The following GMNC variants were observed in gnomAD, a reference collection of about 807,000 sequenced individuals.
GMNC encodes geminin coiled-coil domain-containing protein 1.
GMNC carries 16 observed loss-of-function variants against 33.6 expected under a neutral mutation model. That is an observed-to-expected ratio of 0.48 (90% CI 0.32 to 0.72). The LOEUF is 0.72. GMNC is among the 30% of genes least tolerant of loss of function. The pLI, the probability that GMNC is intolerant of heterozygous loss-of-function variation, is 0.03. For synonymous variants in GMNC, 156 were observed against 147.3 expected (o/e 1.06, Z -0.43); for missense variants, 393 against 388.9 (o/e 1.01, Z -0.09).
Position 190,855,629 on chromosome 3 carries a change from G to T in GMNC, c.671C>A (p.Ser224Tyr). The T allele has an allele frequency of 6.4e-7, 1 of 1,551,578 alleles. No homozygotes were observed. ...ATCAACTGCATCATCCGGAAACTGG[G>T]AAAATGTGCTGGCGACTCTTCTGGG... ...SHPRRVASTF[S>Y]QFPDDAVDYK... The change falls in exon 5 of 5, where the codon TCC becomes TAC. Residue 224 changes from serine (S) to tyrosine (Y), a missense_variant. Ser to Tyr is a moderately radical substitution (Grantham distance 144). Coordinates refer to ENST00000442080, the MANE Select transcript of GMNC (RefSeq NM_001146686.3).
chr3:190,860,689 G>A lies in GMNC; in HGVS notation c.173C>T (p.Ala58Val). The A allele has an allele frequency of 6.5e-7, 1 of 1,549,970 alleles. No individual in the cohort carries two copies. The highest frequency in any genetic ancestry group is 8.7e-7 in the Non-Finnish European group (1 of 1,146,448). The change falls in exon 2 of 5, where the codon GCA becomes GTA. Residue 58 changes from alanine to valine, a missense_variant. By Grantham distance (64) the Ala-to-Val change is moderately conservative. Coordinates refer to ENST00000442080, the MANE Select transcript of GMNC (RefSeq NM_001146686.3). ...AGCAGAAGAGCAGAACTTACCCTGTGCCTGTGGTGCTTGTTGGAGCTCTCT... is the reference window on the plus strand; with the variant it reads ...AGCAGAAGAGCAGAACTTACCCTGTACCTGTGGTGCTTGTTGGAGCTCTCT... ...DNRELQQAPQAQESFSDSNFP... is the reference protein window; with the variant it reads ...DNRELQQAPQVQESFSDSNFP...
In GMNC at chr3:190,857,824, G is replaced by C. The variant is rs1308451021; in HGVS notation, c.343C>G (p.Leu115Val). 6 of 1,550,042 alleles carry C rather than the reference G, an allele frequency of 3.9e-6. No individual in the cohort carries two copies. The highest frequency in any genetic ancestry group is 5.2e-6 in the Non-Finnish European group (6 of 1,145,558). Reference protein sequence around the residue: ...HEENNHLRQYLNSALVKCLEE... With the variant: ...HEENNHLRQYVNSALVKCLEE... ...AGACATTTAACCAAAGCAGAATTCA[G>C]GTATTGTCTGAGGTGATTATTCTCT... Residue 115 changes from leucine (L) to valine (V), a missense_variant, in exon 4 of 5, where the codon CTG (leucine) becomes GTG (valine). Coordinates refer to ENST00000442080, the MANE Select transcript of GMNC (RefSeq NM_001146686.3).
chr3:190,855,943 C>T, intron 4 of GMNC, 28 bp from the exon 5 acceptor site: 1 of 1,481,964 alleles, frequency 6.7e-7, no homozygotes, highest in South Asian at 1.3e-5. Flanking sequence ...GAAAGTTATA[C>T]TTTTTTCATA....
downstream of GMNC, among the ~76,000 whole-genome samples, chr3:190,848,767 A>C: frequency 6.6e-6 from 1 of 152,238 alleles, no homozygotes; most frequent in South Asian, 2.1e-4. Flanking sequence ...TAGGACAAAC[A>C]CTATTACCTC....
Position 190,855,387 on chromosome 3 carries a change from C to G in GMNC, c.913G>C (p.Val305Leu). 6.4e-7 allele frequency: 1 copy of G among 1,551,980 alleles called. No individual in the cohort carries two copies. Among genetic ancestry groups the G allele is most frequent in the Non-Finnish European group, 8.7e-7 (1 of 1,146,980 alleles). The change falls in exon 5 of 5, where the codon GTG becomes CTG. Residue 305 changes from valine to leucine, a missense_variant. Val to Leu is a conservative substitution (Grantham distance 32, BLOSUM62 1). Coordinates refer to ENST00000442080, the MANE Select transcript of GMNC (RefSeq NM_001146686.3). The stretch of plus-strand genomic sequence containing the variant: ...CCCTGGTGGAAGGAATGAGTTTTCA[C>G]ATTACAATGAGGGCTCAGGGATGTG... ...FSTSLSPHCN[V>L]KTHSFHQGQA... is the part of the protein sequence containing the mutation.
intron 4 of GMNC, among the ~76,000 whole-genome samples, chr3:190,856,738 C>A (rs1292406978): frequency 6.6e-6 from 1 of 151,564 alleles, no homozygotes; most frequent in Non-Finnish European, 1.5e-5. Context: ...AACACTGCTT[C>A]TTCTTATTTC....
At chr3:190,843,693 G>A in the GMNC span, among the ~76,000 whole-genome samples, 2 of 151,994 alleles carry the variant, frequency 1.3e-5, no homozygotes, top group Non-Finnish European at 2.9e-5. Flanking sequence ...CTTCTCATAC[G>A]TACACACATA....
intron 3 of GMNC, chr3:190,858,116 C>T (rs1737787052): frequency 1.8e-6 from 1 of 540,614 alleles, no homozygotes; most frequent in African/African-American, 1.9e-5. Flanking sequence ...CATTGCAAAG[C>T]ATTTGGAGAG....
In GMNC at chr3:190,858,986, G is replaced by A. The variant is rs1737806824; in HGVS notation, c.209C>T (p.Pro70Leu). Residue 70 changes from proline to leucine, a missense_variant, in exon 3 of 5, where the codon CCG becomes CTG. Pro to Leu is a moderately conservative substitution (Grantham distance 98). Coordinates refer to ENST00000442080, the MANE Select transcript of GMNC (RefSeq NM_001146686.3). Reference sequence around the variant, plus strand: ...AGCCTCTTCCCATGAGCACAAGTCCGGAAGAGGAAAATTTGAGTCACTGAA... The same window carrying A: ...AGCCTCTTCCCATGAGCACAAGTCCAGAAGAGGAAAATTTGAGTCACTGAA... ...ESFSDSNFPL[P>L]DLCSWEEAQL... The A allele has an allele frequency of 1.5e-5, 23 of 1,549,758 alleles. No homozygotes were observed. Among genetic ancestry groups the A allele is most frequent in the African/African-American group, 4.1e-5 (3 of 73,098 alleles).
At chr3:190,858,835 A>T in intron 3 of GMNC, 93 bp downstream of exon 3, 1 of 704,214 alleles carries the variant, frequency 1.4e-6, no homozygotes, top group Non-Finnish European at 2.4e-6. Flanking sequence ...CTGAGTCAGC[A>T]TGAATTTCAA....
At chr3:190,845,667 G>T in the GMNC span, among the ~76,000 whole-genome samples, 1 of 151,500 alleles carries the variant, frequency 6.6e-6, no homozygotes, top group Non-Finnish European at 1.5e-5. Flanking sequence ...ATGCCACCAC[G>T]CCTGGCTAAT....
chr3:190,846,493 C>CTTTTT, the GMNC span, among the ~76,000 whole-genome samples: 7 of 151,946 alleles, frequency 4.6e-5, no homozygotes, highest in Admixed American at 4.6e-4. Context: ...CACATTTTAA[C>CTTTTT]ACTTTTACTA....
rs1396088446 is a variant in GMNC at position 190,855,728 on chromosome 3, T to C, written c.572A>G (p.Gln191Arg). Residue 191 changes from glutamine (Q) to arginine (R), a missense_variant, in exon 5 of 5, where the codon CAA (glutamine) becomes CGA (arginine). Physicochemically the swap from Gln to Arg is conservative, Grantham distance 43. Transcript: ENST00000442080. Reference protein sequence around the residue: ...AGPPVDPWVLQTLGLKDLDTI... With the variant: ...AGPPVDPWVLRTLGLKDLDTI... ...GTCAAGGTCTTTTAACCCAAGTGTTTGAAGGACCCAGGGATCCACAGGGGG... is the reference window on the plus strand; with the variant it reads ...GTCAAGGTCTTTTAACCCAAGTGTTCGAAGGACCCAGGGATCCACAGGGGG... The C allele has an allele frequency of 6.4e-7, 1 of 1,551,552 alleles. No individual in the cohort carries two copies. The highest frequency in any genetic ancestry group is 2.0e-5 in the Admixed American group (1 of 50,988).
At chr3:190,859,088 C>A in intron 2 of GMNC, 72 bp from the exon 3 acceptor site, 2 of 941,116 alleles carry the variant, frequency 2.1e-6, no homozygotes, top group South Asian at 3.1e-5. Context: ...CTTATCAAAT[C>A]AAATCAGAAA....
the GMNC span, among the ~76,000 whole-genome samples, chr3:190,846,770 G>T: frequency 6.6e-6 from 1 of 152,114 alleles, no homozygotes; most frequent in African/African-American, 2.4e-5. Context: ...CTATTCACTG[G>T]AATACTAAGG....
At chr3:190,850,180 A>G (rs1187504303), downstream of GMNC, among the ~76,000 whole-genome samples, 1 of 152,242 alleles carries the variant, frequency 6.6e-6, no homozygotes, top group Non-Finnish European at 1.5e-5. Context: ...CTTCAGCACC[A>G]GAATATCCTT....
At chr3:190,858,536 T>G (rs1247163509) in intron 3 of GMNC, among the ~76,000 whole-genome samples, 1 of 152,228 alleles carries the variant, frequency 6.6e-6, no homozygotes, top group African/African-American at 2.4e-5. Context: ...GAAAATATTT[T>G]ATAATCATTA....
intron 2 of GMNC, 47 bp downstream of exon 2, chr3:190,860,637 G>A: frequency 6.7e-7 from 1 of 1,489,726 alleles, no homozygotes; most frequent in Non-Finnish European, 9.0e-7. Context: ...CCACGGGTAT[G>A]GAAAAGAGCT....
chr3:190,860,761 G>T lies in GMNC; in HGVS notation c.101C>A (p.Ser34Tyr). 1 of 1,551,536 alleles carries T rather than the reference G, an allele frequency of 6.4e-7. No homozygotes were observed. Among genetic ancestry groups the T allele is most frequent in the Non-Finnish European group, 8.7e-7 (1 of 1,146,926 alleles). The change falls in exon 2 of 5, where the codon TCC becomes TAC. Residue 34 changes from serine to tyrosine, a missense_variant. Coordinates refer to ENST00000442080, the MANE Select transcript of GMNC (RefSeq NM_001146686.3). The stretch of plus-strand genomic sequence containing the variant: ...CCAGAAAGAGACCCAAGTCTCCGTG[G>T]AAACGTCAACACTAGATTCTGACGT... ...TTTSESSVDVSTETWVSFWAA... is the reference protein window; with the variant it reads ...TTTSESSVDVYTETWVSFWAA...
Sources: allele counts gnomAD v4.1 joint callset (sites outside exome capture counted in the v4.1 genomes callset), GRCh38; gene constraint gnomAD v4.1.1; transcripts MANE v1.5; gene names NCBI Gene and HGNC (gene_info 2026-07-23, HGNC 2026-07-21).